Variants in SOAT2 observed in about 807,000 individuals in gnomAD.
The protein encoded by SOAT2 is sterol O-acyltransferase 2.
In SOAT2, 87 loss-of-function variants were observed where a neutral mutation model predicts 76.0. The ratio of observed to expected loss-of-function variants is 1.14; its 90% confidence interval spans 0.96 to 1.37. The LOEUF (loss-of-function observed/expected upper bound fraction) is 1.37. Among genes scored for constraint, SOAT2 ranks in the 40% most tolerant of loss-of-function variants. The pLI is 0.00. For synonymous variants in SOAT2, 285 were observed against 275.4 expected, an observed-to-expected ratio of 1.03 and a Z score of -0.34; for missense variants, 686 against 682.1, an observed-to-expected ratio of 1.01 and a Z score of -0.06.
chr12:53,111,337 G>C (rs944887260), intron 5 of SOAT2, among the ~76,000 whole-genome samples: 2 of 152,108 alleles, frequency 1.3e-5, no homozygotes, highest in African/African-American at 4.8e-5. Flanking sequence ...TCGATCTCCT[G>C]ACCTCATGAT....
At position 53,124,445 on chromosome 12, in the gene SOAT2, G is replaced by A. The variant is rs751697583; in HGVS notation, c.*322G>A. ...TTGATGAATGTGGGGGAACTCAGAG[G>A]AACTGGGGCCACCAAGGTTGGAAAA... On this transcript the variant is annotated 3_prime_UTR_variant, in exon 15 of 15. Transcript: ENST00000301466. The A allele has an allele frequency of 8.3e-6, 3 of 363,024 alleles. No homozygotes were observed. The highest frequency in any genetic ancestry group is 1.5e-5 in the Non-Finnish European group (3 of 200,200). The allele number at this position is 363,024 out of a possible 1,614,324, so 22.5% of individuals were successfully genotyped here.
At chr12:53,117,419 C>G (rs570155388) in intron 7 of SOAT2, among the ~76,000 whole-genome samples, 1 of 151,710 alleles carries the variant, frequency 6.6e-6, no homozygotes, top group Non-Finnish European at 1.5e-5. Flanking sequence ...ATTTCAATAT[C>G]GTTGTATCTC....
intron 6 of SOAT2, 79 bp downstream of exon 6, chr12:53,115,733 A>G: frequency 7.0e-7 from 1 of 1,419,122 alleles, no homozygotes; most frequent in South Asian, 1.5e-5. Context: ...TCCCCCAAAG[A>G]GGGGGCGGGG....
chr12:53,117,794 C>A (rs1326457621), intron 7 of SOAT2, among the ~76,000 whole-genome samples: 1 of 152,128 alleles, frequency 6.6e-6, no homozygotes, highest in Non-Finnish European at 1.5e-5. Flanking sequence ...CCCCACACCC[C>A]CTCCAGGCCC....
chr12:53,104,987 T>G, intron 2 of SOAT2, 120 bp from the exon 3 acceptor site: 7 of 1,051,574 alleles, frequency 6.7e-6, no homozygotes, highest in South Asian at 1.7e-5. Flanking sequence ...CCCCCCAGGT[T>G]GTTTTTTTTT....
At chr12:53,115,306 C>A (rs555591183) in intron 5 of SOAT2, 84 bp from the exon 6 acceptor site, 2 of 1,453,644 alleles carry the variant, frequency 1.4e-6, no homozygotes, top group Non-Finnish European at 1.8e-6. Context: ...TACCTCAGTT[C>A]ATCTTCCAGG....
rs193271064 is a variant in SOAT2 at position 53,107,683 on chromosome 12, C to T, written c.443+1669C>T. On this transcript the variant is annotated intron_variant, in intron 5 of 14. Coordinates refer to ENST00000301466, the MANE Select transcript of SOAT2 (RefSeq NM_003578.4). ...CGTTGCCCAGGCTGGAGTGCAGTGG[C>T]GTGATCTTGGCTCACTGCAACCTCC... Among the ~76,000 whole-genome samples the T allele has an allele frequency of 1.6e-3, 234 of 143,704 alleles. 1 individual carries two copies. The highest frequency in any genetic ancestry group is 1.5e-3 in the South Asian group (7 of 4,666). The allele number at this position is 143,704 out of a possible 152,430, so 94.3% of individuals were successfully genotyped here. A position where few individuals can be genotyped will look rare whatever the true frequency, so the allele number is the denominator to read the frequency against.
chr12:53,120,297 AT>A (rs1170884164), intron 10 of SOAT2, among the ~76,000 whole-genome samples: 7 of 152,042 alleles, frequency 4.6e-5, no homozygotes, highest in Non-Finnish European at 8.8e-5. Flanking sequence ...GTGAAACCCC[AT>A]CTCTACCAAA....
At position 53,103,595 on chromosome 12, in the gene SOAT2, C is replaced by G. The variant is rs1937872434; in HGVS notation, c.18C>G (p.Ala6=). 2.3e-5 allele frequency: 35 copies of G among 1,546,520 alleles called. No individual in the cohort carries two copies. The highest frequency in any genetic ancestry group is 2.8e-5 in the Non-Finnish European group (32 of 1,146,758). MEPGG[A]RLRLQRTEGL... Reference sequence around the variant, plus strand: ...ACCGCACCATGGAGCCAGGCGGGGCCCGTCTGCGTCTGCAGAGGACAGAAG... The same window carrying G: ...ACCGCACCATGGAGCCAGGCGGGGCGCGTCTGCGTCTGCAGAGGACAGAAG... Residue 6 remains alanine (A), a synonymous_variant, in exon 1 of 15, where the codon GCC becomes GCG. Transcript: ENST00000301466.
intron 5 of SOAT2, among the ~76,000 whole-genome samples, chr12:53,114,286 T>C (rs925627700): frequency 3.2e-4 from 49 of 152,054 alleles, no homozygotes; most frequent in African/African-American, 1.1e-3. Context: ...CAAAATCTAC[T>C]GCTAGGTTTG....
chr12:53,119,910 GTC>G (rs916734407), intron 10 of SOAT2, among the ~76,000 whole-genome samples: 1 of 152,090 alleles, frequency 6.6e-6, no homozygotes, highest in Non-Finnish European at 1.5e-5. Context: ...ACATCTTTCT[GTC>G]TCTGTCTCTG....
Position 53,103,678 on chromosome 12 carries a change from T to A in SOAT2, c.82+19T>A, listed in dbSNP as rs766298103. 27 of 1,503,318 alleles carry A rather than the reference T, an allele frequency of 1.8e-5. No individual in the cohort carries two copies. The highest frequency in any genetic ancestry group is 2.4e-5 in the Non-Finnish European group (27 of 1,128,000). 93.1% of individuals were successfully genotyped at this position (1,503,318 alleles called of 1,614,324 possible). ...GGAGATGGTGAGCCGCCCTCGGGGG[T>A]GCAGAAGGCACAGGCAAGTGGGGGG... On this transcript the variant is annotated intron_variant, in intron 1 of 14. Transcript: ENST00000301466.
intron 8 of SOAT2, 84 bp from the exon 9 acceptor site, chr12:53,118,806 G>A: frequency 1.4e-6 from 2 of 1,471,264 alleles, no homozygotes; most frequent in Non-Finnish European, 1.9e-6. Context: ...GAACTGAGGA[G>A]AGAGGGCCCC....
intron 7 of SOAT2, among the ~76,000 whole-genome samples, chr12:53,117,253 G>T (rs542307425): frequency 6.9e-6 from 1 of 145,728 alleles, no homozygotes; most frequent in South Asian, 2.2e-4. Context: ...GAGCCACCGC[G>T]CCCGGCCAAT....
intron 8 of SOAT2, among the ~76,000 whole-genome samples, chr12:53,118,664 T>A (rs1238253599): frequency 6.6e-6 from 1 of 152,112 alleles, no homozygotes; most frequent in Non-Finnish European, 1.5e-5. Context: ...ACTGTCTTGA[T>A]AATCCTACCC....
chr12:53,119,262 A>G lies in SOAT2; in HGVS notation c.1039+9A>G. The G allele has an allele frequency of 6.2e-7, 1 of 1,613,842 alleles. No individual in the cohort carries two copies. The highest frequency in any genetic ancestry group is 8.5e-7 in the Non-Finnish European group (1 of 1,179,892). ...GCATGCCACGTTGCCAGGTGAGCCA[A>G]CTAAGGTAGGGCTAGAGCAGCTGTG... is the stretch of plus-strand genomic sequence containing the variant. On this transcript the variant is annotated intron_variant, in intron 10 of 14. Transcript: ENST00000301466.
Position 53,105,864 on chromosome 12 carries a change from T to C in SOAT2, c.336-43T>C, listed in dbSNP as rs755669672. The C allele has an allele frequency of 2.6e-6, 3 of 1,170,060 alleles. No individual in the cohort carries two copies. The African/African-American group carries it at 1.1e-4, about 42-fold the overall frequency. The allele number at this position is 1,170,060 out of a possible 1,614,324, so 72.5% of individuals were successfully genotyped here. On this transcript the variant is annotated intron_variant, in intron 4 of 14. Transcript: ENST00000301466. ...GTGTCTGAGCTAGTTCACACAACCCTGAGGACCCTCCCACACTGACTTTCG... is the reference window on the plus strand; with the variant it reads ...GTGTCTGAGCTAGTTCACACAACCCCGAGGACCCTCCCACACTGACTTTCG...
At chr12:53,108,372 C>A (rs755778882) in intron 5 of SOAT2, among the ~76,000 whole-genome samples, 3 of 152,158 alleles carry the variant, frequency 2.0e-5, no homozygotes. Flanking sequence ...CCAGTCAAAG[C>A]CTTGGGAAAA....
At chr12:53,106,969 CTT>C (rs909104696) in intron 5 of SOAT2, among the ~76,000 whole-genome samples, 21 of 151,976 alleles carry the variant, frequency 1.4e-4, no homozygotes, top group Admixed American at 1.1e-3. Flanking sequence ...TTTAATCATG[CTT>C]TGAGGTTCAG....
Sources: allele counts gnomAD v4.1 joint callset (sites outside exome capture counted in the v4.1 genomes callset), GRCh38; gene constraint gnomAD v4.1.1; transcripts MANE v1.5; gene names NCBI Gene and HGNC (gene_info 2026-07-23, HGNC 2026-07-21).